WDR72: variants seen among roughly 807,000 people sequenced by gnomAD.
WDR72 encodes the protein WD repeat-containing protein 72.
Under a neutral mutation model 124.2 loss-of-function variants are expected in WDR72, and 120 were observed. The ratio of observed to expected loss-of-function variants is 0.97; its 90% CI spans 0.83 to 1.12. The LOEUF (loss-of-function observed/expected upper bound fraction) is 1.12. WDR72 is among the 50% of genes most tolerant of loss of function. The probability of loss-of-function intolerance (pLI) is 0.00; values close to 1 mark genes in which losing one functional copy is unlikely to be tolerated. For missense variants in WDR72, 1,387 were observed against 1,278.8 expected, an observed-to-expected ratio of 1.08 and a Z score of -1.29; for synonymous variants, 452 against 441.7, an observed-to-expected ratio of 1.02 and a Z score of -0.29.
intron 14 of WDR72, among the ~76,000 whole-genome samples, chr15:53,628,070 T>C (rs896229788): frequency 6.6e-6 from 1 of 152,126 alleles, no homozygotes; most frequent in African/African-American, 2.4e-5. Context: ...AACCTTCTTT[T>C]CCCAGTTGTG....
intron 11 of WDR72, among the ~76,000 whole-genome samples, chr15:53,704,491 G>C (rs1021559460): frequency 6.6e-6 from 1 of 151,572 alleles, no homozygotes; most frequent in Non-Finnish European, 1.5e-5. Flanking sequence ...ATTTCTTATT[G>C]TGTAGCCTTC....
chr15:53,571,930 T>C (rs572044085), intron 18 of WDR72, among the ~76,000 whole-genome samples: 5 of 152,150 alleles, frequency 3.3e-5, no homozygotes, highest in African/African-American at 9.7e-5. Flanking sequence ...GAGAATGATA[T>C]CTCATTGTAG....
intron 17 of WDR72, among the ~76,000 whole-genome samples, chr15:53,598,501 T>C (rs1370069512): frequency 2.0e-5 from 3 of 152,082 alleles, no homozygotes; most frequent in Non-Finnish European, 4.4e-5. Flanking sequence ...GTCTCTTTTG[T>C]ATGTGATGGT....
intron 18 of WDR72, among the ~76,000 whole-genome samples, chr15:53,537,699 T>C (rs185580708): frequency 1.3e-5 from 2 of 152,318 alleles, no homozygotes; most frequent in Admixed American, 1.3e-4. Context: ...TTATTATTAT[T>C]TGTATATCTG....
At chr15:53,704,613 G>A (rs550720475) in intron 11 of WDR72, among the ~76,000 whole-genome samples, 2 of 150,578 alleles carry the variant, frequency 1.3e-5, no homozygotes, top group African/African-American at 4.9e-5. Context: ...TGCAAGCTCT[G>A]CTCCCAGGTT....
In WDR72 at chr15:53,607,104, G is replaced by A. The variant is rs370098305; in HGVS notation, c.2952+2409C>T. On this transcript the variant is annotated intron_variant, in intron 17 of 19. Transcript: ENST00000360509. ...AATAAACTTCTAGTAAACATTCATC[G>A]AATCAACGCACAACTATTTATTGTA... Among the ~76,000 whole-genome samples, 74 of 152,070 alleles carry A rather than the reference G, an allele frequency of 4.9e-4. 4 individuals carry two copies. In the East Asian group the frequency reaches 5.4e-3, roughly 11 times the overall value.
At chr15:53,725,403 A>G (rs2017993217) in intron 2 of WDR72, among the ~76,000 whole-genome samples, 1 of 152,218 alleles carries the variant, frequency 6.6e-6, no homozygotes, top group Non-Finnish European at 1.5e-5. Flanking sequence ...CAGTAGTTTC[A>G]TATAAAACTA....
rs1891337920 is a variant in WDR72 at position 53,514,704 on chromosome 15, G to A, written c.*2995C>T. On this transcript the variant is annotated 3_prime_UTR_variant, in exon 20 of 20. Coordinates refer to ENST00000360509, the MANE Select transcript of WDR72 (RefSeq NM_182758.4). ...ATACCTGGGGCTACTTTTTAACTGTGTGTTTCTAACATTATACATTTTTCC... is the reference window on the plus strand; with the variant it reads ...ATACCTGGGGCTACTTTTTAACTGTATGTTTCTAACATTATACATTTTTCC... 6.6e-6 allele frequency: 1 copy of A among 152,026 alleles called. No homozygotes were observed. Among genetic ancestry groups the A allele is most frequent in the African/African-American group, 2.4e-5 (1 of 41,374 alleles). 9.4% of individuals were successfully genotyped at this position (152,026 alleles called of 1,614,324 possible).
intron 13 of WDR72, among the ~76,000 whole-genome samples, chr15:53,697,720 C>T (rs1402960161): frequency 6.6e-6 from 1 of 152,088 alleles, no homozygotes; most frequent in Non-Finnish European, 1.5e-5. Context: ...GACTGAAATA[C>T]AATATAGACT....
At chr15:53,622,256 C>A (rs924662999) in intron 14 of WDR72, among the ~76,000 whole-genome samples, 1 of 152,080 alleles carries the variant, frequency 6.6e-6, no homozygotes, top group Non-Finnish European at 1.5e-5. Context: ...ACTATTCGAC[C>A]CAGCAATCCC....
In WDR72 at chr15:53,714,040, T is replaced by C. The variant is rs144606545; in HGVS notation, c.591+394A>G. On this transcript the variant is annotated intron_variant, in intron 6 of 19. Transcript: ENST00000360509. ...GATGCCAGTGAATAGATGAATATAC[T>C]GGACTCCCCAGGGACATGCCCCTCA... Among the ~76,000 whole-genome samples the C allele has an allele frequency of 5.9e-5, 9 of 152,284 alleles. No individual in the cohort carries two copies. In the East Asian group the frequency reaches 1.7e-3, roughly 29 times the overall value.
intron 3 of WDR72, among the ~76,000 whole-genome samples, chr15:53,719,571 A>G (rs1272272349): frequency 2.0e-5 from 3 of 152,140 alleles, no homozygotes; most frequent in African/African-American, 7.2e-5. Context: ...TCTTTGGTTC[A>G]TTATCTCAAT....
chr15:53,637,804 T>A (rs1274752087), intron 14 of WDR72, among the ~76,000 whole-genome samples: 1 of 152,194 alleles, frequency 6.6e-6, no homozygotes, highest in African/African-American at 2.4e-5. Flanking sequence ...ACTTTCTGTA[T>A]CATATTTTTA....
At chr15:53,672,233 TGGAGTTC>T (rs1313697596) in intron 13 of WDR72, among the ~76,000 whole-genome samples, 1 of 149,922 alleles carries the variant, frequency 6.7e-6, no homozygotes, top group Non-Finnish European at 1.5e-5. Context: ...AGACAGCATG[TGGAGTTC>T]CAGGTAGAGA....
intron 18 of WDR72, among the ~76,000 whole-genome samples, chr15:53,596,804 T>C (rs2012796571): frequency 6.6e-6 from 1 of 152,294 alleles, no homozygotes; most frequent in Middle Eastern, 3.4e-3. Flanking sequence ...GAAGAGATGA[T>C]ATACTGTGAA....
intron 1 of WDR72, among the ~76,000 whole-genome samples, chr15:53,753,099 A>C (rs1449495651): frequency 2.0e-5 from 3 of 152,166 alleles, no homozygotes; most frequent in Non-Finnish European, 4.4e-5. Context: ...CATCCCTTAC[A>C]CTTTGGCTTC....
At chr15:53,726,264 G>GTATATATATATATATATATATA (rs34367324) in intron 2 of WDR72, among the ~76,000 whole-genome samples, 91 of 110,344 alleles carry the variant, frequency 8.2e-4, no homozygotes, top group African/African-American at 4.0e-3. Flanking sequence ...ATGTATGTGT[G>GTATATATATATATATATATATA]TATATATATA....
At chr15:53,603,910 G>A (rs2013156991) in intron 17 of WDR72, among the ~76,000 whole-genome samples, 2 of 151,938 alleles carry the variant, frequency 1.3e-5, no homozygotes, top group South Asian at 4.1e-4. Context: ...ATACTGCCTA[G>A]CAATTCACAG....
intron 17 of WDR72, among the ~76,000 whole-genome samples, chr15:53,608,755 C>G (rs1022130823): frequency 6.4e-5 from 4 of 62,576 alleles, no homozygotes; most frequent in Middle Eastern, 0.014. Context: ...GATCCTTTCT[C>G]AAAAATAAAT....
Sources: allele counts gnomAD v4.1 joint callset (sites outside exome capture counted in the v4.1 genomes callset), GRCh38; gene constraint gnomAD v4.1.1; transcripts MANE v1.5; gene names NCBI Gene and HGNC (gene_info 2026-07-23, HGNC 2026-07-21).